The following JHY variants were observed in gnomAD, a reference collection of about 807,000 sequenced individuals.
The protein encoded by JHY is junctional cadherin complex regulator, also known as jhy protein homolog.
A neutral mutation model predicts 78.0 loss-of-function variants in JHY; 69 were observed. That is an observed-to-expected ratio of 0.88 (90% CI 0.73 to 1.08). The LOEUF (loss-of-function observed/expected upper bound fraction) is 1.08. Among genes scored for constraint, JHY ranks in the 50% least tolerant of loss-of-function variants. The pLI is 0.00. For synonymous variants in JHY, 368 were observed against 342.6 expected, an observed-to-expected ratio of 1.07 and a Z score of -0.82; for missense variants, 944 against 927.8, an observed-to-expected ratio of 1.02 and a Z score of -0.23.
chr11:122,897,615 G>A (rs376897120), intron 2 of JHY, among the ~76,000 whole-genome samples: 1 of 152,142 alleles, frequency 6.6e-6, no homozygotes, highest in Admixed American at 6.5e-5. Context: ...ATAATCTGGT[G>A]GCACCAGGAA....
intron 3 of JHY, among the ~76,000 whole-genome samples, chr11:122,906,733 T>C (rs1327734308): frequency 6.6e-6 from 1 of 152,200 alleles, no homozygotes; most frequent in African/African-American, 2.4e-5. Flanking sequence ...TGTTAGTAGT[T>C]ATAAGTTAAT....
rs1202917390 is a variant in JHY at position 122,898,630 on chromosome 11, A to G, written c.345-5295A>G. 1.3e-5 allele frequency among the ~76,000 whole-genome samples: 2 copies of G among 152,198 alleles called. No individual in the cohort carries two copies. Among genetic ancestry groups the G allele is most frequent in the Non-Finnish European group, 2.9e-5 (2 of 68,038 alleles). ...TGTGAAAGGTGGCCAGCCCTGCTCT[A>G]AACAGTACAAAGTAGAGGATTACTT... On this transcript the variant is annotated intron_variant, in intron 2 of 8. Transcript: ENST00000227349. This position sits in a 1 kb window ranked among gnomAD's most constrained non-coding sequence, Gnocchi z 4.4.
chr11:122,915,034 A>AC (rs1303285328), intron 3 of JHY, among the ~76,000 whole-genome samples: 2 of 152,106 alleles, frequency 1.3e-5, no homozygotes, highest in Non-Finnish European at 2.9e-5. Flanking sequence ...ACATTATTGA[A>AC]GAGGGATCCA....
intron 2 of JHY, among the ~76,000 whole-genome samples, chr11:122,887,411 C>T (rs1591365804): frequency 6.6e-6 from 1 of 152,144 alleles, no homozygotes; most frequent in South Asian, 2.1e-4. Flanking sequence ...CAACCTCCAC[C>T]TCCCGGGTTC....
Position 122,957,366 on chromosome 11 carries a change from CA to C in JHY, c.2019del (p.Lys673AsnfsTer2). 1 of 1,525,186 alleles carries C rather than the reference CA, an allele frequency of 6.6e-7. No homozygotes were observed. The highest frequency in any genetic ancestry group is 1.3e-5 in the South Asian group (1 of 75,130). The allele number at this position is 1,525,186 out of a possible 1,614,324, so 94.5% of individuals were successfully genotyped here. A position where few individuals can be genotyped will look rare whatever the true frequency, so the allele number is the denominator to read the frequency against. On this transcript the variant is annotated frameshift_variant, in exon 8 of 9. Coordinates refer to ENST00000227349, the MANE Select transcript of JHY (RefSeq NM_024806.4). LOFTEE classifies it high-confidence loss of function. Reference sequence around the variant, plus strand: ...ATAACTTTGTTTCTCTGAACAGACGCAAAAATTAATACAGCAAAAGGAATAT... The same window carrying C: ...ATAACTTTGTTTCTCTGAACAGACGCAAAATTAATACAGCAAAAGGAATAT... The part of the protein sequence containing the change: ...PDFESIRDKT[Q>X]KLIQQKEYAK...
intron 2 of JHY, among the ~76,000 whole-genome samples, chr11:122,899,165 G>A (rs1011630680): frequency 2.6e-5 from 4 of 152,298 alleles, no homozygotes; most frequent in Non-Finnish European, 5.9e-5. Context: ...ACTAGGCTGT[G>A]TGTCCGCTGC....
rs201867132 is a variant in JHY at position 122,886,201 on chromosome 11, A to G, written c.344+8A>G. The G allele has an allele frequency of 8.1e-6, 13 of 1,601,940 alleles. No individual in the cohort carries two copies. The highest frequency in any genetic ancestry group is 1.3e-5 in the African/African-American group (1 of 74,350). ...CCAGGGCGCCAATAACAGGTAAGGA[A>G]TTGGCTTGTGTAAGATAATAATGGG... On this transcript the variant is annotated splice_region_variant and intron_variant, in intron 2 of 8. Coordinates refer to ENST00000227349, the MANE Select transcript of JHY (RefSeq NM_024806.4).
chr11:122,931,533 C>G (rs911206217), intron 4 of JHY, among the ~76,000 whole-genome samples: 1 of 152,172 alleles, frequency 6.6e-6, no homozygotes, highest in Non-Finnish European at 1.5e-5. Flanking sequence ...GCTTGAGATT[C>G]TCTTAATATT....
At chr11:122,940,769 C>T (rs912220099) in intron 5 of JHY, among the ~76,000 whole-genome samples, 4 of 152,124 alleles carry the variant, frequency 2.6e-5, no homozygotes, top group Admixed American at 2.6e-4. Flanking sequence ...CTATCAATAC[C>T]TATACATTTA....
rs776840922 is a variant in JHY, at chr11:122,959,340, G to C, written c.2232G>C (p.Gly744=). Residue 744 remains glycine, a synonymous_variant, in exon 9 of 9, where the codon GGG becomes GGC. Coordinates refer to ENST00000227349, the MANE Select transcript of JHY (RefSeq NM_024806.4). The part of the protein sequence containing the change: ...SKEQKNPTYA[G]KEESLPEISL... ...AACAAAAAAATCCAACCTATGCTGG[G>C]AAAGAAGAAAGTTTACCTGAAATCT... 1.9e-6 allele frequency: 3 copies of C among 1,614,026 alleles called. No individual in the cohort carries two copies. Among genetic ancestry groups the C allele is most frequent in the Admixed American group, 3.3e-5 (2 of 60,002 alleles).
chr11:122,950,196 T>G (rs1431749985), intron 6 of JHY, among the ~76,000 whole-genome samples: 1 of 152,114 alleles, frequency 6.6e-6, no homozygotes, highest in Non-Finnish European at 1.5e-5. Context: ...TACATGGTAG[T>G]TAGGCTGTAA....
At chr11:122,886,716 A>G (rs1485378259) in intron 2 of JHY, among the ~76,000 whole-genome samples, 1 of 152,186 alleles carries the variant, frequency 6.6e-6, no homozygotes, top group East Asian at 1.9e-4. Context: ...CCAAAGTGCT[A>G]TGATTACAGG....
chr11:122,941,478 T>C, intron 5 of JHY, among the ~76,000 whole-genome samples: 1 of 152,242 alleles, frequency 6.6e-6, no homozygotes, highest in Admixed American at 6.5e-5. Flanking sequence ...AATAGTTTTA[T>C]AATTACAATG....
chr11:122,913,202 A>G (rs1022069240), intron 3 of JHY, among the ~76,000 whole-genome samples: 1 of 152,140 alleles, frequency 6.6e-6, no homozygotes, highest in East Asian at 1.9e-4. Flanking sequence ...GTCCCCGGTC[A>G]ATCAAACACT....
Position 122,956,562 on chromosome 11 carries a change from T to G in JHY, c.1996T>G (p.Ser666Ala), listed in dbSNP as rs1197083890. The G allele has an allele frequency of 1.9e-6, 3 of 1,613,254 alleles. No homozygotes were observed. In the African/African-American group the frequency reaches 4.0e-5, roughly 22 times the overall value. ...TGGAGGCCTCGGACCTGACTTTGAG[T>G]CCATCAGAGACAAAGTGAGTGAGAT... Reference protein sequence around the residue: ...KLGGLGPDFESIRDKTQKLIQ... With the variant: ...KLGGLGPDFEAIRDKTQKLIQ... The change falls in exon 7 of 9, where the codon TCC becomes GCC. Residue 666 changes from serine (S) to alanine (A), a missense_variant. Physicochemically the swap from Ser to Ala is moderately conservative, Grantham distance 99. Transcript: ENST00000227349.
intron 2 of JHY, among the ~76,000 whole-genome samples, chr11:122,894,784 T>G (rs1862703894): frequency 6.6e-6 from 1 of 152,218 alleles, no homozygotes; most frequent in South Asian, 2.1e-4. Context: ...TTGGTTGGAA[T>G]TATCCAAATT....
chr11:122,903,030 T>C (rs975478009), intron 2 of JHY, among the ~76,000 whole-genome samples: 7 of 152,372 alleles, frequency 4.6e-5, no homozygotes, highest in Admixed American at 4.6e-4. Flanking sequence ...TAGGTTTGTT[T>C]ATACCAGCAG....
intron 4 of JHY, among the ~76,000 whole-genome samples, chr11:122,927,920 G>A (rs1433044049): frequency 1.3e-5 from 2 of 151,766 alleles, no homozygotes; most frequent in Non-Finnish European, 2.9e-5. Flanking sequence ...TAGTAGAGAT[G>A]GGGTTTCACC....
Position 122,958,923 on chromosome 11 carries a change from C to T in JHY, c.2140-325C>T, listed in dbSNP as rs189602561. 3 of 985,172 alleles carry T rather than the reference C, an allele frequency of 3.0e-6. No homozygotes were observed. The Admixed American group carries it at 1.8e-4, about 61-fold the overall frequency. 61.0% of individuals were successfully genotyped at this position (985,172 alleles called of 1,614,324 possible). ...TCTCCTTAATAGAAGTTTGGTTTTA[C>T]TAAGACTTCCGGAAACTAAGTAGAC... On this transcript the variant is annotated intron_variant, in intron 8 of 8. Coordinates refer to ENST00000227349, the MANE Select transcript of JHY (RefSeq NM_024806.4).
Sources: gnomAD v4.1 joint callset for allele counts (sites outside exome capture counted in the v4.1 genomes callset) on GRCh38, gnomAD v4.1.1 for gene constraint, Gnocchi (gnomAD v3.1) non-coding constraint, MANE v1.5 for transcripts, NCBI Gene and HGNC (gene_info 2026-07-23, HGNC 2026-07-21) for gene names.